Variants in MSI1 observed in about 807,000 individuals in gnomAD.
MSI1 encodes musashi RNA binding protein 1.
MSI1 carries 15 observed loss-of-function variants against 54.4 expected under a neutral mutation model. The observed-to-expected ratio is 0.28, with a 90% CI of 0.18 to 0.42. MSI1 has a LOEUF of 0.42. Ranked by LOEUF, MSI1 falls within the 20% of genes least tolerant of loss-of-function variation. The pLI is 1.00. For synonymous variants in MSI1, 200 were observed against 196.5 expected, an observed-to-expected ratio of 1.02 and a Z score of -0.15; for missense variants, 304 against 506.0, an observed-to-expected ratio of 0.60 and a Z score of 3.83.
intron 11 of MSI1, among the ~76,000 whole-genome samples, chr12:120,347,768 G>C (rs1443852428): frequency 6.6e-6 from 1 of 152,192 alleles, no homozygotes; most frequent in Non-Finnish European, 1.5e-5. Context: ...CCCTGGTCTG[G>C]GGGGACATGC....
At chr12:120,358,889 G>T in intron 7 of MSI1, 116 bp downstream of exon 7, 1 of 1,212,078 alleles carries the variant, frequency 8.3e-7, no homozygotes, top group Non-Finnish European at 1.2e-6. Flanking sequence ...CCTGGGAGAG[G>T]ACGCAGATCC....
At chr12:120,364,562 C>T (rs1046641039) in intron 5 of MSI1, 152 bp downstream of exon 5, 5 of 683,262 alleles carry the variant, frequency 7.3e-6, no homozygotes, top group Non-Finnish European at 1.2e-5. Flanking sequence ...AGAGCAAGGA[C>T]GTCAAGAATC....
chr12:120,352,273 C>T (rs1205073125), intron 10 of MSI1, among the ~76,000 whole-genome samples: 1 of 152,136 alleles, frequency 6.6e-6, no homozygotes, highest in African/African-American at 2.4e-5. Context: ...TCTTAAAGTG[C>T]TGGGATTACA....
intron 4 of MSI1, among the ~76,000 whole-genome samples, chr12:120,367,350 A>G (rs1876078404): frequency 6.6e-6 from 1 of 152,208 alleles, no homozygotes; most frequent in African/African-American, 2.4e-5. Context: ...TAAGACACGA[A>G]GGAGCTGTGG....
intron 7 of MSI1, 37 bp from the exon 8 acceptor site, chr12:120,357,935 C>CCAGAG: frequency 6.3e-7 from 1 of 1,597,238 alleles, no homozygotes; most frequent in South Asian, 1.1e-5. Flanking sequence ...AAGGTCAGAA[C>CCAGAG]CAGAGCGCAG....
At chr12:120,343,843 A>G (rs1224333292) in intron 14 of MSI1, among the ~76,000 whole-genome samples, 1 of 152,026 alleles carries the variant, frequency 6.6e-6, no homozygotes, top group Non-Finnish European at 1.5e-5. Context: ...ACAGTCCCAC[A>G]AGTCGAGGTA....
Position 120,368,329 on chromosome 12 carries a change from C to G in MSI1, c.101-56G>C, listed in dbSNP as rs1456870555. 2.1e-5 allele frequency: 32 copies of G among 1,530,042 alleles called. No homozygotes were observed. Among genetic ancestry groups the G allele is most frequent in the Middle Eastern group, 4.0e-4 (2 of 5,058 alleles). The allele number at this position is 1,530,042 out of a possible 1,614,324, so 94.8% of individuals were successfully genotyped here. ...CCGGGCCCCGCGCCCTTCCCCCCCC[C>G]CCGTCCTTTGCCCCCGGTGACCCCG... On this transcript the variant is annotated intron_variant, in intron 2 of 14. Transcript: ENST00000257552. The surrounding 1 kb of genome is among the most constrained non-coding windows in gnomAD (Gnocchi z 6.6).
Position 120,356,963 on chromosome 12 carries a change from C to T in MSI1, c.591G>A (p.Arg197=), listed in dbSNP as rs1170997333. The change falls in exon 9 of 15, where the codon CGG becomes CGA. Residue 197 remains arginine (R), a synonymous_variant. Transcript: ENST00000257552. ...KEVMSPTGSA[R]GRSRVMPYGM... is the part of the protein sequence containing the mutation. ...CGTAGGGCATGACTCGAGACCTCCC[C>T]CGGGCTGAGCCCGTTGGCGACATCA... 2 of 1,614,152 alleles carry T rather than the reference C, an allele frequency of 1.2e-6. No individual in the cohort carries two copies. Among genetic ancestry groups the T allele is most frequent in the East Asian group, 4.5e-5 (2 of 44,904 alleles).
intron 11 of MSI1, among the ~76,000 whole-genome samples, chr12:120,349,452 T>A (rs1347334136): frequency 6.6e-5 from 10 of 152,144 alleles, no homozygotes; most frequent in South Asian, 2.1e-4. Context: ...CAAGCTGGTC[T>A]TGAACTCCTG....
intron 10 of MSI1, 51 bp downstream of exon 10, chr12:120,353,248 C>G (rs1565887229): frequency 6.3e-7 from 1 of 1,576,406 alleles, no homozygotes; most frequent in Admixed American, 1.7e-5. Context: ...AGTCAGACTG[C>G]CCGGGAACCA....
At chr12:120,362,922 G>C (rs1875765988) in intron 6 of MSI1, 121 bp downstream of exon 6, 1 of 854,402 alleles carries the variant, frequency 1.2e-6, no homozygotes, top group Non-Finnish European at 1.9e-6. Flanking sequence ...CCCACAGCAG[G>C]ATCCAGCCCC....
chr12:120,362,394 C>A (rs1460099956), intron 6 of MSI1, among the ~76,000 whole-genome samples: 3 of 152,176 alleles, frequency 2.0e-5, no homozygotes, highest in African/African-American at 7.2e-5. Context: ...TCACATTGTC[C>A]ACCTTTCAGA....
At chr12:120,354,753 A>C (rs761663270) in intron 9 of MSI1, among the ~76,000 whole-genome samples, 20 of 152,222 alleles carry the variant, frequency 1.3e-4, no homozygotes, top group Non-Finnish European at 2.5e-4. Flanking sequence ...TCTTAAATGA[A>C]GGGTGAAAAC....
chr12:120,346,744 C>T (rs1335024020), intron 12 of MSI1, among the ~76,000 whole-genome samples: 2 of 152,180 alleles, frequency 1.3e-5, no homozygotes, highest in Non-Finnish European at 2.9e-5. Flanking sequence ...AACACTTTTC[C>T]TCCTCTTTGC....
At chr12:120,352,808 A>T (rs1370519556) in intron 10 of MSI1, among the ~76,000 whole-genome samples, 2 of 152,174 alleles carry the variant, frequency 1.3e-5, no homozygotes, top group African/African-American at 4.8e-5. Context: ...TGTTATCTTT[A>T]TGTTGGCTTA....
chr12:120,346,470 A>G, intron 12 of MSI1, 148 bp from the exon 13 acceptor site: 3 of 729,192 alleles, frequency 4.1e-6, no homozygotes, highest in Non-Finnish European at 6.1e-6. Context: ...CCCCATGCCC[A>G]TCCACCCAGT....
intron 5 of MSI1, among the ~76,000 whole-genome samples, chr12:120,363,822 T>C (rs1361288234): frequency 6.6e-6 from 1 of 152,106 alleles, no homozygotes; most frequent in Non-Finnish European, 1.5e-5. Flanking sequence ...CCAAAACTCT[T>C]CCTCTCCTTC....
At chr12:120,363,892 C>G (rs1280674450) in intron 5 of MSI1, among the ~76,000 whole-genome samples, 1 of 152,202 alleles carries the variant, frequency 6.6e-6, no homozygotes, top group Non-Finnish European at 1.5e-5. Context: ...TTAAAGAGCT[C>G]TAGTTCCACC....
chr12:120,356,863 T>C, intron 9 of MSI1, 39 bp downstream of exon 9: 1 of 1,577,054 alleles, frequency 6.3e-7, no homozygotes, highest in Non-Finnish European at 8.7e-7. Flanking sequence ...TGGGAGCAGT[T>C]CTGGCAGAAA....
Sources: allele counts gnomAD v4.1 joint callset (sites outside exome capture counted in the v4.1 genomes callset), GRCh38; gene constraint gnomAD v4.1.1; non-coding constraint Gnocchi (gnomAD v3.1); transcripts MANE v1.5; gene names NCBI Gene and HGNC (gene_info 2026-07-23, HGNC 2026-07-21).